The following SLC9C1 variants were observed in gnomAD, a reference collection of about 807,000 sequenced individuals.
SLC9C1 encodes solute carrier family 9 member C1.
SLC9C1 carries 97 observed loss-of-function variants against 140.9 expected under a neutral mutation model. The ratio of observed to expected loss-of-function variants is 0.69; its 90% CI spans 0.58 to 0.82. The LOEUF is 0.82. Among genes scored for constraint, SLC9C1 ranks in the 40% least tolerant of loss-of-function variants. SLC9C1 has a pLI of 0.00. For synonymous variants in SLC9C1, 440 were observed against 442.6 expected, an observed-to-expected ratio of 0.99 and a Z score of 0.07; for missense variants, 1,340 against 1,389.3, an observed-to-expected ratio of 0.96 and a Z score of 0.56.
At chr3:112,263,242 C>T (rs1385628093) in intron 9 of SLC9C1, 144 bp from the exon 10 acceptor site, 5 of 575,394 alleles carry the variant, frequency 8.7e-6, no homozygotes, top group Admixed American at 7.8e-5. Flanking sequence ...GACATGACAC[C>T]AAAGAAAGGC....
chr3:112,150,563 G>A (rs1320820847), intron 28 of SLC9C1, among the ~76,000 whole-genome samples: 3 of 151,842 alleles, frequency 2.0e-5, no homozygotes, highest in South Asian at 4.2e-4. Context: ...TGTAGCTCAC[G>A]GAGATAATTT....
chr3:112,141,387 A>G (rs902035709), intron 28 of SLC9C1, 106 bp from the exon 29 acceptor site: 54 of 1,142,262 alleles, frequency 4.7e-5, no homozygotes, highest in Non-Finnish European at 5.7e-5. Flanking sequence ...TTTGACTCCC[A>G]TAAGACACAC....
rs1194062182 is a variant in SLC9C1, at chr3:112,277,754, A to G, written c.425T>C (p.Phe142Ser). 6.2e-7 allele frequency: 1 copy of G among 1,612,242 alleles called. No individual in the cohort carries two copies. The highest frequency in any genetic ancestry group is 8.5e-7 in the Non-Finnish European group (1 of 1,179,032). The change falls in exon 5 of 29, where the codon TTT (phenylalanine) becomes TCT (serine). Residue 142 changes from phenylalanine to serine, a missense_variant. Physicochemically the swap from Phe to Ser is radical, Grantham distance 155. Transcript: ENST00000305815. ...ATCTGAACTCACAAGGATAGCTGAA[A>G]ATAATAACCATTGGGTAGGCTTCAA... is the stretch of plus-strand genomic sequence containing the variant. ...LLLKPTQWLLFSAILVSSDPM... is the reference protein window; with the variant it reads ...LLLKPTQWLLSSAILVSSDPM...
At chr3:112,232,879 G>C (rs2078865492) in intron 12 of SLC9C1, among the ~76,000 whole-genome samples, 1 of 151,758 alleles carries the variant, frequency 6.6e-6, no homozygotes, top group Non-Finnish European at 1.5e-5. Context: ...CTTTGGCTTT[G>C]AATTCTATTT....
intron 9 of SLC9C1, among the ~76,000 whole-genome samples, chr3:112,263,555 T>C (rs1009841364): frequency 6.6e-6 from 1 of 151,974 alleles, no homozygotes; most frequent in African/African-American, 2.4e-5. Flanking sequence ...TCCTATGTTT[T>C]ACACTAATTT....
intron 14 of SLC9C1, 105 bp from the exon 15 acceptor site, chr3:112,217,666 C>G: frequency 1.0e-6 from 1 of 997,452 alleles, no homozygotes; most frequent in Non-Finnish European, 1.4e-6. Context: ...TTGCACAAAA[C>G]AGGAAGACTA....
At chr3:112,251,603 T>C (rs1354556412) in intron 10 of SLC9C1, among the ~76,000 whole-genome samples, 7 of 152,044 alleles carry the variant, frequency 4.6e-5, no homozygotes, top group African/African-American at 1.7e-4. Context: ...TCCCATGGCA[T>C]CTCCTGGGAT....
intron 23 of SLC9C1, 68 bp downstream of exon 23, chr3:112,179,463 T>G: frequency 6.7e-7 from 1 of 1,494,998 alleles, no homozygotes; most frequent in Non-Finnish European, 9.0e-7. Context: ...TACTAAATAC[T>G]AAAATAACCT....
rs55792066 is a variant in SLC9C1 at position 112,273,579 on chromosome 3, G to T, written c.613+1318C>A. Reference sequence around the variant, plus strand: ...TTTGAGGGAGGGGTGAGGGGGTGGTGGTCCTCAGGATGATTCTTCTTGGGA... The same window carrying T: ...TTTGAGGGAGGGGTGAGGGGGTGGTTGTCCTCAGGATGATTCTTCTTGGGA... On this transcript the variant is annotated intron_variant, in intron 6 of 28. Transcript: ENST00000305815. Among the ~76,000 whole-genome samples the T allele has an allele frequency of 2.4e-3, 360 of 152,138 alleles. 1 individual carries two copies. Among genetic ancestry groups the T allele is most frequent in the Middle Eastern group, 0.01 (3 of 294 alleles).
rs2075087946 is a variant in SLC9C1, at chr3:112,154,997, C to T, written c.3417G>A (p.Glu1139=). 6.2e-6 allele frequency: 10 copies of T among 1,609,814 alleles called. No individual in the cohort carries two copies. Among genetic ancestry groups the T allele is most frequent in the Non-Finnish European group, 7.6e-6 (9 of 1,178,696 alleles). ...EGIQEERNVK[E]DGAHSAATAR... ...TTTAGAAAGGCTGCTTTAAATTTAC[C>T]TCCTTAACATTTCTTTCTTCTTGAA... is the stretch of plus-strand genomic sequence containing the variant. Residue 1139 remains glutamate (E), a splice_region_variant and synonymous_variant, in exon 27 of 29, where the codon GAG becomes GAA. Transcript: ENST00000305815.
At chr3:112,239,554 G>A (rs1486509218) in intron 12 of SLC9C1, among the ~76,000 whole-genome samples, 1 of 152,136 alleles carries the variant, frequency 6.6e-6, no homozygotes, top group Non-Finnish European at 1.5e-5. Flanking sequence ...ACTCATGCTG[G>A]GAGCTGTACA....
At chr3:112,256,766 G>A (rs925407679) in intron 10 of SLC9C1, among the ~76,000 whole-genome samples, 1 of 152,062 alleles carries the variant, frequency 6.6e-6, no homozygotes, top group Non-Finnish European at 1.5e-5. Context: ...AGGAAAAGAA[G>A]TCAAATTATC....
chr3:112,258,428 T>TTTTTTG (rs1272597464), intron 10 of SLC9C1, among the ~76,000 whole-genome samples: 11 of 151,820 alleles, frequency 7.2e-5, no homozygotes, highest in South Asian at 4.2e-4. Flanking sequence ...TTGTTTGGGT[T>TTTTTTG]TTTTTGTTTT....
intron 13 of SLC9C1, among the ~76,000 whole-genome samples, chr3:112,228,640 A>G (rs769292488): frequency 2.0e-5 from 3 of 152,272 alleles, no homozygotes; most frequent in Admixed American, 1.3e-4. Flanking sequence ...TCTTCTACTA[A>G]GGCATTAATA....
At chr3:112,228,573 G>A (rs1203281165) in intron 13 of SLC9C1, among the ~76,000 whole-genome samples, 1 of 152,008 alleles carries the variant, frequency 6.6e-6, no homozygotes, top group East Asian at 1.9e-4. Flanking sequence ...AGCAAAGGAA[G>A]CAATCAATAG....
intron 26 of SLC9C1, among the ~76,000 whole-genome samples, chr3:112,161,813 A>G (rs1407705341): frequency 6.6e-6 from 1 of 151,044 alleles, no homozygotes; most frequent in Non-Finnish European, 1.5e-5. Flanking sequence ...GAAGAAAGTC[A>G]TTGGTAGCTC....
At chr3:112,160,846 C>A (rs2075276355) in intron 26 of SLC9C1, among the ~76,000 whole-genome samples, 1 of 151,974 alleles carries the variant, frequency 6.6e-6, no homozygotes, top group African/African-American at 2.4e-5. Flanking sequence ...AATTGCCACA[C>A]TGACTTCCAC....
At chr3:112,269,590 T>A (rs10934161) in intron 7 of SLC9C1, among the ~76,000 whole-genome samples, 45,034 of 152,076 alleles carry the variant, frequency 0.3, 7,232 homozygotes, top group East Asian at 0.43. Flanking sequence ...CCTTATAAGA[T>A]ATTTAAATAT....
rs1378183594 is a variant in SLC9C1, at chr3:112,151,892, AC to A, written c.3488del (p.Cys1163LeufsTer7). On this transcript the variant is annotated frameshift_variant, in exon 28 of 29. Coordinates refer to ENST00000305815, the MANE Select transcript of SLC9C1 (RefSeq NM_183061.3). LOFTEE classifies it low-confidence loss of function (END_TRUNC). The stretch of plus-strand genomic sequence containing the variant: ...TTAGGTTTATTCTAGGGGACTCCTT[AC>A]AGTTGAACTTTGTCCCCAGCAGGGA... ...PCSLLGTKFNCKESPRINLRK... is the reference protein window; with the variant it reads ...PCSLLGTKFNXKESPRINLRK... 3 of 1,611,232 alleles carry A rather than the reference AC, an allele frequency of 1.9e-6. No homozygotes were observed. The African/African-American group carries it at 4.0e-5, about 22-fold the overall frequency.
Sources: gnomAD v4.1 joint callset for allele counts (sites outside exome capture counted in the v4.1 genomes callset) on GRCh38, gnomAD v4.1.1 for gene constraint, MANE v1.5 for transcripts, NCBI Gene and HGNC (gene_info 2026-07-23, HGNC 2026-07-21) for gene names.